AP3B1: variants seen among roughly 807,000 people sequenced by gnomAD.
The protein encoded by AP3B1 is AP-3 complex subunit beta-1.
A neutral mutation model predicts 132.5 loss-of-function variants in AP3B1; 61 were observed. The observed-to-expected ratio is 0.46, with a 90% CI of 0.37 to 0.57. The LOEUF is 0.57. Ranked by LOEUF, AP3B1 falls within the 20% of genes least tolerant of loss-of-function variation. The pLI is 0.00. For missense variants in AP3B1, 1,120 were observed against 1,289.4 expected (o/e 0.87, Z 2.01); for synonymous variants, 388 against 438.3 (o/e 0.89, Z 1.43).
At chr5:78,108,444 G>A (rs1424118476) in intron 20 of AP3B1, among the ~76,000 whole-genome samples, 1 of 152,200 alleles carries the variant, frequency 6.6e-6, no homozygotes, top group Non-Finnish European at 1.5e-5. Flanking sequence ...CCAAGGTGGA[G>A]AGTACTTATT....
At chr5:78,189,216 C>T (rs1744725357) in intron 7 of AP3B1, among the ~76,000 whole-genome samples, 1 of 151,778 alleles carries the variant, frequency 6.6e-6, no homozygotes, top group South Asian at 2.1e-4. Flanking sequence ...GCACATGTAC[C>T]CTGGAACTTA....
chr5:78,151,706 A>G (rs1293778572), intron 14 of AP3B1, among the ~76,000 whole-genome samples: 3 of 152,140 alleles, frequency 2.0e-5, no homozygotes, highest in Non-Finnish European at 4.4e-5. Flanking sequence ...GATAAATCCC[A>G]TTGGTCATGA....
intron 3 of AP3B1, among the ~76,000 whole-genome samples, chr5:78,239,254 T>G (rs546688577): frequency 6.6e-6 from 1 of 151,996 alleles, no homozygotes; most frequent in Non-Finnish European, 1.5e-5. Context: ...GCAGATTGCT[T>G]GAGCCTGGGA....
intron 6 of AP3B1, among the ~76,000 whole-genome samples, chr5:78,224,140 A>G (rs1399601523): frequency 6.6e-6 from 1 of 152,186 alleles, no homozygotes; most frequent in Non-Finnish European, 1.5e-5. Context: ...GGCAGATAGC[A>G]TGCCTGTCAT....
At chr5:78,176,314 C>A (rs1387809290) in intron 9 of AP3B1, among the ~76,000 whole-genome samples, 1 of 150,612 alleles carries the variant, frequency 6.6e-6, no homozygotes, top group Non-Finnish European at 1.5e-5. Context: ...AATTCCAGGT[C>A]TTTCTGATAT....
chr5:78,053,567 C>T (rs893244979), intron 22 of AP3B1, among the ~76,000 whole-genome samples: 6 of 150,984 alleles, frequency 4.0e-5, no homozygotes, highest in Non-Finnish European at 7.4e-5. Context: ...GTAATCCCAG[C>T]TACTCAGGAG....
At chr5:78,160,967 T>C (rs1743363558) in intron 13 of AP3B1, among the ~76,000 whole-genome samples, 1 of 151,598 alleles carries the variant, frequency 6.6e-6, no homozygotes, top group African/African-American at 2.4e-5. Context: ...AATCTGACAA[T>C]ACAATTTAAG....
chr5:78,159,171 TA>T (rs1280950105), intron 13 of AP3B1, among the ~76,000 whole-genome samples: 1 of 152,188 alleles, frequency 6.6e-6, no homozygotes, highest in Non-Finnish European at 1.5e-5. Flanking sequence ...ATGCATAGTA[TA>T]ACAAATTTAT....
At chr5:78,117,801 T>A (rs574579761) in intron 17 of AP3B1, among the ~76,000 whole-genome samples, 1 of 152,336 alleles carries the variant, frequency 6.6e-6, no homozygotes, top group African/African-American at 2.4e-5. Context: ...GAGTATTAGT[T>A]TGCTTTTATA....
rs547729260 is a variant in AP3B1, at chr5:78,058,578, G to A, written c.2578-19304C>T. On this transcript the variant is annotated intron_variant, in intron 22 of 26. Transcript: ENST00000255194. ...TTTAAATATAAGTGTTAAATTTCCT[G>A]ACCTGAAGCATCAAAGAGACAGTAC... 1.2e-4 allele frequency among the ~76,000 whole-genome samples: 19 copies of A among 152,130 alleles called. No individual in the cohort carries two copies. The South Asian group carries it at 3.9e-3, about 32-fold the overall frequency.
chr5:78,218,242 A>G (rs1437754754), intron 6 of AP3B1, among the ~76,000 whole-genome samples: 3 of 152,144 alleles, frequency 2.0e-5, no homozygotes, highest in Non-Finnish European at 1.5e-5. Flanking sequence ...TAAAATATTC[A>G]GAATTAAAAT....
At chr5:78,200,651 T>A (rs1745252111) in intron 7 of AP3B1, among the ~76,000 whole-genome samples, 1 of 152,014 alleles carries the variant, frequency 6.6e-6, no homozygotes, top group African/African-American at 2.4e-5. Flanking sequence ...CCCTGCCTCA[T>A]TAAAAACAAC....
intron 15 of AP3B1, among the ~76,000 whole-genome samples, chr5:78,139,627 G>A (rs1753060106): frequency 1.3e-5 from 2 of 152,092 alleles, no homozygotes; most frequent in Admixed American, 1.3e-4. Context: ...TCACGATTAG[G>A]GATGAAGATA....
intron 21 of AP3B1, among the ~76,000 whole-genome samples, chr5:78,097,614 C>T (rs1273240463): frequency 7.2e-6 from 1 of 137,974 alleles, no homozygotes; most frequent in African/African-American, 2.7e-5. Flanking sequence ...GTGGGGGGGT[C>T]AGCCCCCTGC....
chr5:78,125,192 T>G (rs1407827926), intron 17 of AP3B1, among the ~76,000 whole-genome samples: 1 of 152,160 alleles, frequency 6.6e-6, no homozygotes, highest in Non-Finnish European at 1.5e-5. Context: ...GAAAGGACTT[T>G]CTAGAACTAA....
intron 7 of AP3B1, among the ~76,000 whole-genome samples, chr5:78,207,110 T>C (rs1745538385): frequency 6.6e-6 from 1 of 151,620 alleles, no homozygotes; most frequent in African/African-American, 2.4e-5. Context: ...ACACAAAAAT[T>C]AGGCAGGTGT....
At chr5:78,076,817 G>A (rs866741569) in intron 22 of AP3B1, among the ~76,000 whole-genome samples, 1 of 152,142 alleles carries the variant, frequency 6.6e-6, no homozygotes, top group African/African-American at 2.4e-5. Context: ...CATGCATATT[G>A]CCAGATTTTC....
At chr5:78,039,639 A>G (rs1371434369) in intron 22 of AP3B1, among the ~76,000 whole-genome samples, 2 of 152,022 alleles carry the variant, frequency 1.3e-5, no homozygotes, top group Non-Finnish European at 2.9e-5. Context: ...TTAGCCAGGC[A>G]TGGTGGCGGG....
chr5:78,181,116 T>TA lies in AP3B1; in HGVS notation c.942+390dup, dbSNP rs1364561516. Among the ~76,000 whole-genome samples the TA allele has an allele frequency of 2.0e-5, 3 of 152,190 alleles. No individual in the cohort carries two copies. In the East Asian group the frequency reaches 5.8e-4, roughly 29 times the overall value. On this transcript the variant is annotated intron_variant, in intron 8 of 26. Transcript: ENST00000255194. ...CCCCCAATCACAATGGAATAACTGA[T>TA]AAATATACATAGTTCTTATATAAGA...
Sources: allele counts gnomAD v4.1 joint callset (sites outside exome capture counted in the v4.1 genomes callset), GRCh38; gene constraint gnomAD v4.1.1; transcripts MANE v1.5; gene names NCBI Gene and HGNC (gene_info 2026-07-23, HGNC 2026-07-21).